ETFA: variants seen among roughly 807,000 people sequenced by gnomAD.
ETFA encodes electron transfer flavoprotein subunit alpha.
In ETFA, 22 loss-of-function variants were observed where a neutral mutation model predicts 46.2. The ratio of observed to expected loss-of-function variants is 0.48; its 90% CI spans 0.34 to 0.68. The LOEUF (loss-of-function observed/expected upper bound fraction) is 0.68, where lower values mean the gene tolerates loss of function less well. Among genes scored for constraint, ETFA ranks in the 30% least tolerant of loss-of-function variants. The pLI, the probability that ETFA is intolerant of heterozygous loss-of-function variation, is 0.01. For missense variants in ETFA, 345 were observed against 401.1 expected (o/e 0.86, Z 1.19); for synonymous variants, 131 against 139.9 (o/e 0.94, Z 0.45).
intron 1 of ETFA, among the ~76,000 whole-genome samples, chr15:76,296,629 G>A (rs2039826715): frequency 6.6e-6 from 1 of 152,200 alleles, no homozygotes; most frequent in Non-Finnish European, 1.5e-5. Context: ...GGTTTTGACT[G>A]TTCAAATATG....
chr15:76,259,963 T>G, intron 9 of ETFA: 1 of 1,425,538 alleles, frequency 7.0e-7, no homozygotes, highest in Non-Finnish European at 9.9e-7. Context: ...CCCAACAAGT[T>G]TGGCCACATG....
rs546918729 is a variant in ETFA at position 76,227,320 on chromosome 15, C to A, written c.883-1391G>T. ...TCACTTGAGGTCAGGAGTTCGAGAC[C>A]AGCCTGGCCAATATGGTGAAACCCC... On this transcript the variant is annotated intron_variant, in intron 10 of 11. Transcript: ENST00000557943. Among the ~76,000 whole-genome samples, 3 of 151,954 alleles carry A rather than the reference C, an allele frequency of 2.0e-5. No individual in the cohort carries two copies. The South Asian group carries it at 6.3e-4, about 32-fold the overall frequency.
In ETFA at chr15:76,311,354, C is replaced by T. The variant is rs2039996059; in HGVS notation, c.35G>A (p.Arg12Gln). The T allele has an allele frequency of 1.9e-6, 3 of 1,559,504 alleles. No individual in the cohort carries two copies. The highest frequency in any genetic ancestry group is 1.4e-5 in the African/African-American group (1 of 73,828). The change falls in exon 1 of 12, where the codon CGG (arginine) becomes CAG (glutamine). Residue 12 changes from arginine (R) to glutamine (Q), a missense_variant. Physicochemically the swap from Arg to Gln is conservative, Grantham distance 43 (BLOSUM62 1). Transcript: ENST00000557943. ...GCCTTCCCAGTCCGGACTCACCGCC[C>T]GCCGGAGCTGCCCCGGAGCCGCCGC... is the stretch of plus-strand genomic sequence containing the variant. ...FRAAAPGQLR[R>Q]AASLLRFQST...
intron 1 of ETFA, among the ~76,000 whole-genome samples, chr15:76,299,697 T>C (rs2039861686): frequency 6.6e-6 from 1 of 152,208 alleles, no homozygotes; most frequent in African/African-American, 2.4e-5. Context: ...CCTTTTCTGA[T>C]ACTCAACATA....
In ETFA at chr15:76,275,151, A is replaced by G. The variant is rs569720198; in HGVS notation, c.734-657T>C. Among the ~76,000 whole-genome samples the G allele has an allele frequency of 3.4e-4, 51 of 152,176 alleles. No homozygotes were observed. The South Asian group carries it at 6.9e-3, about 20-fold the overall frequency. On this transcript the variant is annotated intron_variant, in intron 8 of 11. Coordinates refer to ENST00000557943, the MANE Select transcript of ETFA (RefSeq NM_000126.4). ...ATTATGTCTGTCCCCATAAGCCCCA[A>G]ACTCAAAGGTTATCCTTCATAACCC...
chr15:76,306,646 T>C (rs1162600143), intron 1 of ETFA, among the ~76,000 whole-genome samples: 1 of 152,142 alleles, frequency 6.6e-6, no homozygotes, highest in African/African-American at 2.4e-5. Flanking sequence ...AAAAGGATAA[T>C]ATATAAAGTC....
At position 76,267,504 on chromosome 15, in the gene ETFA, A is replaced by G. The variant is rs1302611310; in HGVS notation, c.816+6908T>C. Among the ~76,000 whole-genome samples the G allele has an allele frequency of 2.6e-5, 4 of 152,168 alleles. No homozygotes were observed. The East Asian group carries it at 7.7e-4, about 29-fold the overall frequency. On this transcript the variant is annotated intron_variant, in intron 9 of 11. Transcript: ENST00000557943. ...CATTTCTATAATTAACATCCTAGAT[A>G]CTGCCTTCTGTTACTCAAAAAGCCC...
chr15:76,243,908 CAG>C (rs2039219782), intron 9 of ETFA, among the ~76,000 whole-genome samples: 1 of 151,852 alleles, frequency 6.6e-6, no homozygotes, highest in Non-Finnish European at 1.5e-5. Flanking sequence ...TTTTTTGAGA[CAG>C]AGTTTCACTC....
rs1262161216 is a variant in ETFA at position 76,308,937 on chromosome 15, T to C, written c.39+2413A>G. On this transcript the variant is annotated intron_variant, in intron 1 of 11. Transcript: ENST00000557943. ...TATATATGTGGAAAGATAAAGCAAA[T>C]GTGTCAAACTGCTAACATGCTGGGA... Among the ~76,000 whole-genome samples the C allele has an allele frequency of 9.8e-5, 15 of 152,356 alleles. No individual in the cohort carries two copies. The South Asian group carries it at 2.5e-3, about 25-fold the overall frequency.
intron 1 of ETFA, 79 bp from the exon 2 acceptor site, chr15:76,295,816 G>A: frequency 1.8e-6 from 2 of 1,103,302 alleles, no homozygotes; most frequent in Non-Finnish European, 2.6e-6. Context: ...TAATTGTTAA[G>A]CATGTATGCT....
chr15:76,236,806 G>A (rs1278729940), intron 9 of ETFA, among the ~76,000 whole-genome samples: 1 of 152,102 alleles, frequency 6.6e-6, no homozygotes, highest in Non-Finnish European at 1.5e-5. Flanking sequence ...AACATGATCA[G>A]TTTATACTCT....
intron 4 of ETFA, among the ~76,000 whole-genome samples, chr15:76,289,492 G>A (rs1009783427): frequency 2.0e-5 from 3 of 152,094 alleles, no homozygotes; most frequent in Admixed American, 2.0e-4. Context: ...ATATCTTCAA[G>A]AAATTTTACC....
chr15:76,226,858 G>A (rs1218815793), intron 10 of ETFA, among the ~76,000 whole-genome samples: 8 of 152,226 alleles, frequency 5.3e-5, no homozygotes, highest in Middle Eastern at 3.4e-3. Context: ...CAGCCTGGGC[G>A]ACAGAGTGAG....
At chr15:76,273,284 C>T (rs902545593) in intron 9 of ETFA, among the ~76,000 whole-genome samples, 38 of 152,112 alleles carry the variant, frequency 2.5e-4, no homozygotes, top group Non-Finnish European at 4.9e-4. Context: ...AGGCCGGGTG[C>T]GGTGGCTCAC....
In ETFA at chr15:76,283,946, A is replaced by G; in HGVS notation, c.665-121T>C. The G allele has an allele frequency of 4.3e-6, 3 of 704,110 alleles. No individual in the cohort carries two copies. In the South Asian group the frequency reaches 4.8e-5, roughly 11 times the overall value. The allele number at this position is 704,110 out of a possible 1,614,324, so 43.6% of individuals were successfully genotyped here. ...ATGTAACTGCCATATTAAGCATGTC[A>G]CCTCCTCTATAAACCTTTTCTGGCC... On this transcript the variant is annotated intron_variant, in intron 7 of 11. Coordinates refer to ENST00000557943, the MANE Select transcript of ETFA (RefSeq NM_000126.4).
intron 4 of ETFA, 131 bp from the exon 5 acceptor site, chr15:76,288,076 C>T: frequency 1.5e-6 from 1 of 676,838 alleles, no homozygotes; most frequent in Non-Finnish European, 2.7e-6. Context: ...TTCGTGTGCA[C>T]CTTTGGATAC....
At chr15:76,220,439 A>C (rs2038945968) in intron 11 of ETFA, among the ~76,000 whole-genome samples, 1 of 152,234 alleles carries the variant, frequency 6.6e-6, no homozygotes, top group South Asian at 2.1e-4. Flanking sequence ...ATTTCATCAA[A>C]ATTTAAAACT....
chr15:76,283,834 A>G lies in ETFA; in HGVS notation c.665-9T>C. ...ACTCTTCAAGCCTCGACCTCATTTA[A>G]AAAGATGAAAAAAAAAAATTAGGCA... On this transcript the variant is annotated splice_polypyrimidine_tract_variant and intron_variant, in intron 7 of 11. Coordinates refer to ENST00000557943, the MANE Select transcript of ETFA (RefSeq NM_000126.4). 5 of 1,601,578 alleles carry G rather than the reference A, an allele frequency of 3.1e-6. No homozygotes were observed. Among genetic ancestry groups the G allele is most frequent in the Non-Finnish European group, 4.3e-6 (5 of 1,170,014 alleles).
At chr15:76,283,868 A>G in intron 7 of ETFA, 43 bp from the exon 8 acceptor site, 1 of 1,403,456 alleles carries the variant, frequency 7.1e-7, no homozygotes, top group Non-Finnish European at 1.0e-6. Context: ...CAAACATCAA[A>G]TACATTCTGG....
Sources: allele counts gnomAD v4.1 joint callset (sites outside exome capture counted in the v4.1 genomes callset), GRCh38; gene constraint gnomAD v4.1.1; transcripts MANE v1.5; gene names NCBI Gene and HGNC (gene_info 2026-07-23, HGNC 2026-07-21).